Variants in PLXNB3 observed in about 807,000 individuals in gnomAD.
PLXNB3 encodes plexin-B3.
Under a neutral mutation model 125.7 loss-of-function variants are expected in PLXNB3, and 80 were observed. That is an observed-to-expected ratio of 0.64 (90% confidence interval 0.53 to 0.77). The LOEUF (loss-of-function observed/expected upper bound fraction) is 0.77. Among genes scored for constraint, PLXNB3 ranks in the 30% least tolerant of loss-of-function variants. PLXNB3 has a pLI of 0.00. For synonymous variants in PLXNB3, 954 were observed against 783.3 expected (o/e 1.22, Z -3.64); for missense variants, 1,836 against 1,729.3 (o/e 1.06, Z -1.09).
intron 34 of PLXNB3, 53 bp downstream of exon 34, chrX:153,778,524 C>A (rs1216736672): frequency 9.3e-6 from 11 of 1,182,300 alleles, no homozygotes; most frequent in African/African-American, 3.5e-5. Context: ...GAAAGACTAG[C>A]AGAGCAGAGG....
chrX:153,779,275 A>G lies in PLXNB3; in HGVS notation c.*236A>G, dbSNP rs1220775992. 9 of 239,918 alleles carry G rather than the reference A, an allele frequency of 3.8e-5. No individual in the cohort carries two copies. The highest frequency in any genetic ancestry group is 2.1e-4 in the African/African-American group (5 of 24,194). The allele number at this position is 239,918 out of a possible 1,213,427, so 19.8% of individuals were successfully genotyped here. ...GATCCCCCTCCTTCCCCCTCTCCCCATTGTATTTATTTGCCTGCTGGAAAA... is the reference window on the plus strand; with the variant it reads ...GATCCCCCTCCTTCCCCCTCTCCCCGTTGTATTTATTTGCCTGCTGGAAAA... On this transcript the variant is annotated 3_prime_UTR_variant, in exon 36 of 36. Coordinates refer to ENST00000361971, the MANE Select transcript of PLXNB3 (RefSeq NM_005393.3).
In PLXNB3 at chrX:153,771,520, C is replaced by T. The variant is rs2091929990; in HGVS notation, c.2382C>T (p.Asp794=). The T allele has an allele frequency of 8.3e-7, 1 of 1,206,051 alleles. No individual in the cohort carries two copies. The highest frequency in any genetic ancestry group is 1.7e-5 in the African/African-American group (1 of 57,938). Residue 794 remains aspartate (D), a synonymous_variant, in exon 14 of 36, where the codon GAC becomes GAT. Coordinates refer to ENST00000361971, the MANE Select transcript of PLXNB3 (RefSeq NM_005393.3). ...ACGACTGCGCCATGGGCCACCCGGACTGCAGCCACTGCCAAGCGGCCAACA... is the reference window on the plus strand; with the variant it reads ...ACGACTGCGCCATGGGCCACCCGGATTGCAGCCACTGCCAAGCGGCCAACA... ...ILYDCAMGHP[D]CSHCQAANRS...
At chrX:153,776,276 A>G (rs1264502309) in intron 27 of PLXNB3, 62 bp downstream of exon 27, 4 of 979,051 alleles carry the variant, frequency 4.1e-6, no homozygotes, top group Non-Finnish European at 5.6e-6. Context: ...CGGCACCTGG[A>G]GCCCCTCAAC....
chrX:153,769,739 G>A (rs374147694), intron 6 of PLXNB3, 68 bp from the exon 7 acceptor site: 1 of 1,107,668 alleles, frequency 9.0e-7, no homozygotes. Flanking sequence ...GCCTCCCCAG[G>A]CCCCTGTTGC....
At position 153,773,638 on chromosome X, in the gene PLXNB3, A is replaced by C; in HGVS notation, c.3204A>C (p.Pro1068=). The C allele has an allele frequency of 8.3e-7, 1 of 1,198,190 alleles. No homozygotes were observed. Among genetic ancestry groups the C allele is most frequent in the Non-Finnish European group, 1.1e-6 (1 of 889,472 alleles). ...CTTCCAGGGCCCAGCCCCAGGACCC[A>C]CAGCCAAGGAGGAGCTGTGGAGCCC... ...VQASRAQPQD[P]QPRRSCGAPA... is the part of the protein sequence containing the mutation. Residue 1068 remains proline (P), a synonymous_variant, in exon 19 of 36, where the codon CCA becomes CCC. Transcript: ENST00000361971.
At position 153,767,421 on chromosome X, in the gene PLXNB3, A is replaced by T; in HGVS notation, c.594A>T (p.Ala198=). 1 of 1,187,119 alleles carries T rather than the reference A, an allele frequency of 8.4e-7. No individual in the cohort carries two copies. The highest frequency in any genetic ancestry group is 1.1e-6 in the Non-Finnish European group (1 of 882,492). ...GAGGCCTGGCGGGCAAGCTGTCGGC[A>T]GGGGTGCCACCCCTGGCCATCCGCC... is the stretch of plus-strand genomic sequence containing the variant. The part of the protein sequence containing the change: ...VARGLAGKLS[A]GVPPLAIRQL... Residue 198 remains alanine (A), a synonymous_variant, in exon 3 of 36, where the codon GCA becomes GCT. Transcript: ENST00000361971.
At position 153,778,554 on chromosome X, in the gene PLXNB3, GGAC is replaced by G. The variant is rs1447036000; in HGVS notation, c.5551-45_5551-43del. Reference sequence around the variant, plus strand: ...CAGAGGGGGGAGACTTGGGGCTTGAGGACCAGGCTGGGACCTCACTGCCCCCCT... The same window carrying G: ...CAGAGGGGGGAGACTTGGGGCTTGAGCAGGCTGGGACCTCACTGCCCCCCT... On this transcript the variant is annotated intron_variant, in intron 34 of 35. Transcript: ENST00000361971. 2.6e-6 allele frequency: 3 copies of G among 1,172,316 alleles called. No individual in the cohort carries two copies. In the African/African-American group the frequency reaches 5.3e-5, roughly 21 times the overall value.
chrX:153,768,202 C>G (rs886510643), intron 3 of PLXNB3, 47 bp from the exon 4 acceptor site: 34 of 1,119,549 alleles, frequency 3.0e-5, no homozygotes, highest in Non-Finnish European at 4.0e-5. Flanking sequence ...CCCTGACTGC[C>G]TCTCTGCTCT....
chrX:153,774,150 G>A, intron 20 of PLXNB3, 36 bp from the exon 21 acceptor site: 1 of 1,201,328 alleles, frequency 8.3e-7, no homozygotes, highest in Non-Finnish European at 1.1e-6. Context: ...CCGCCTCTGT[G>A]GGGGCCAGCG....
At position 153,770,980 on chromosome X, in the gene PLXNB3, T is replaced by C; in HGVS notation, c.2152T>C (p.Phe718Leu). ...LQHFRGLPASFHCWLELPGEL... is the reference protein window; with the variant it reads ...LQHFRGLPASLHCWLELPGEL... ...CCTTCCCCAGGGCCTGCCTGCCTCC[T>C]TCCACTGCTGGCTGGAGCTGCCTGG... The change falls in exon 12 of 36, where the codon TTC becomes CTC. Residue 718 changes from phenylalanine to leucine, a missense_variant. Transcript: ENST00000361971. The C allele has an allele frequency of 8.3e-7, 1 of 1,209,851 alleles. No individual in the cohort carries two copies. Among genetic ancestry groups the C allele is most frequent in the Admixed American group, 2.2e-5 (1 of 46,018 alleles).
Position 153,769,955 on chromosome X carries a change from C to T in PLXNB3, c.1629+16C>T. 1.7e-6 allele frequency: 2 copies of T among 1,200,803 alleles called. No homozygotes were observed. The highest frequency in any genetic ancestry group is 1.7e-5 in the African/African-American group (1 of 57,838). On this transcript the variant is annotated intron_variant, in intron 7 of 35. Coordinates refer to ENST00000361971, the MANE Select transcript of PLXNB3 (RefSeq NM_005393.3). ...GCAGGGCCAGGTAAGCCGCCCACCACCACTGGGCCCTCTGGGCAGCATGAC... is the reference window on the plus strand; with the variant it reads ...GCAGGGCCAGGTAAGCCGCCCACCATCACTGGGCCCTCTGGGCAGCATGAC...
rs373965130 is a variant in PLXNB3 at position 153,770,858 on chromosome X, G to A, written c.2111G>A (p.Arg704His). The A allele has an allele frequency of 3.1e-5, 37 of 1,207,449 alleles. No individual in the cohort carries two copies. The highest frequency in any genetic ancestry group is 2.4e-4 in the African/African-American group (14 of 57,637). ...GGCTGGGAGAGCCATTTGGCCCTAC[G>A]CGTGCGGAACCTTCAACATTTCCGA... is the stretch of plus-strand genomic sequence containing the variant. ...PVGWESHLALRVRNLQHFRGL... is the reference protein window; with the variant it reads ...PVGWESHLALHVRNLQHFRGL... The change falls in exon 11 of 36, where the codon CGC becomes CAC. Residue 704 changes from arginine to histidine, a missense_variant. Coordinates refer to ENST00000361971, the MANE Select transcript of PLXNB3 (RefSeq NM_005393.3).
At chrX:153,766,161 C>G (rs1210590379) in intron 2 of PLXNB3, 53 of 1,115,965 alleles carry the variant, frequency 4.7e-5, no homozygotes, top group Non-Finnish European at 5.9e-5. Context: ...TCTCCCAGCA[C>G]CCCCGCTGCC....
rs782816847 is a variant in PLXNB3 at position 153,770,997 on chromosome X, G to A, written c.2169G>A (p.Glu723=). ...CTGCCTCCTTCCACTGCTGGCTGGA[G>A]CTGCCTGGAGAACTTCGGGGACTGC... ...GLPASFHCWL[E]LPGELRGLPA... The change falls in exon 12 of 36, where the codon GAG becomes GAA. Residue 723 remains glutamate, a synonymous_variant. Coordinates refer to ENST00000361971, the MANE Select transcript of PLXNB3 (RefSeq NM_005393.3). 3.1e-5 allele frequency: 38 copies of A among 1,210,029 alleles called. No homozygotes were observed. Among genetic ancestry groups the A allele is most frequent in the East Asian group, 1.5e-4 (5 of 33,798 alleles).
chrX:153,777,996 C>G lies in PLXNB3; in HGVS notation c.5310C>G (p.Ile1770Met). 8.3e-7 allele frequency: 1 copy of G among 1,211,706 alleles called. No individual in the cohort carries two copies. The highest frequency in any genetic ancestry group is 1.1e-6 in the Non-Finnish European group (1 of 895,280). ...ATGCCTTGAAGAACCCACAGCTCATCTTTGATGTACGGGTGTCGGACAATG... is the reference window on the plus strand; with the variant it reads ...ATGCCTTGAAGAACCCACAGCTCATGTTTGATGTACGGGTGTCGGACAATG... ...WVNALKNPQL[I>M]FDVRVSDNVD... is the part of the protein sequence containing the mutation. The change falls in exon 32 of 36, where the codon ATC (isoleucine) becomes ATG (methionine). Residue 1770 changes from isoleucine (I) to methionine (M), a missense_variant. Ile to Met is a conservative substitution (Grantham distance 10). Transcript: ENST00000361971.
rs782711696 is a variant in PLXNB3 at position 153,774,494 on chromosome X, C to T, written c.3753C>T (p.Pro1251=). 4.1e-5 allele frequency: 50 copies of T among 1,206,087 alleles called. 1 individual carries two copies. The South Asian group carries it at 5.9e-4, about 14-fold the overall frequency. The part of the protein sequence containing the change: ...YEAEPPLSAF[P]VEAQAGVGMG... ...CTGAACCCCCGCTGTCTGCCTTTCC[C>T]GTGGAGGCCCAGGCAGGCGTGGGCA... is the stretch of plus-strand genomic sequence containing the variant. The change falls in exon 22 of 36, where the codon CCC becomes CCT. Residue 1251 remains proline, a synonymous_variant. Transcript: ENST00000361971.
In PLXNB3 at chrX:153,776,298, A is replaced by G. The variant is rs782594848; in HGVS notation, c.4730-58A>G. The G allele has an allele frequency of 4.7e-4, 507 of 1,080,936 alleles. 4 individuals carry two copies. In the East Asian group the frequency reaches 0.013, roughly 29 times the overall value. 89.1% of individuals were successfully genotyped at this position (1,080,936 alleles called of 1,213,427 possible). A position where few individuals can be genotyped will look rare whatever the true frequency, so the allele number is the denominator to read the frequency against. ...TGGAGCCCCTCAACTGTGTCTTACT[A>G]TGAGTGTGGGGCGTGGAGAGCAGGC... On this transcript the variant is annotated intron_variant, in intron 27 of 35. Transcript: ENST00000361971.
chrX:153,778,702 G>A (rs1407118248), intron 35 of PLXNB3, 28 bp downstream of exon 35: 1 of 1,171,032 alleles, frequency 8.5e-7, no homozygotes, highest in Non-Finnish European at 1.2e-6. Context: ...CCGGAGGGGA[G>A]GCACAGTGGA....
chrX:153,778,946 C>T lies in PLXNB3; in HGVS notation c.5637C>T (p.Ala1879=), dbSNP rs782810051. ...IHRYYDQIIS[A]LEEDPVGQKL... is the part of the protein sequence containing the mutation. ...CTCTGCCCGGGCAGATTATCAGTGC[C>T]CTGGAGGAGGACCCTGTGGGCCAGA... The change falls in exon 36 of 36, where the codon GCC becomes GCT. Residue 1879 remains alanine, a synonymous_variant. Transcript: ENST00000361971. 1.7e-6 allele frequency: 2 copies of T among 1,182,800 alleles called. 1 individual carries two copies. Among genetic ancestry groups the T allele is most frequent in the South Asian group, 3.8e-5 (2 of 52,426 alleles).
Sources: gnomAD v4.1 joint callset for allele counts on GRCh38, gnomAD v4.1.1 for gene constraint, MANE v1.5 for transcripts, NCBI Gene and HGNC (gene_info 2026-07-23, HGNC 2026-07-21) for gene names.